Variants in TNS4 observed in about 807,000 individuals in gnomAD.
TNS4 encodes the protein tensin 4.
TNS4 carries 46 observed loss-of-function variants against 70.4 expected under a neutral mutation model. The ratio of observed to expected loss-of-function variants is 0.65; its 90% CI spans 0.52 to 0.84. The LOEUF is 0.84. Among genes scored for constraint, TNS4 ranks in the 40% least tolerant of loss-of-function variants. TNS4 has a pLI of 0.00. For missense variants in TNS4, 863 were observed against 907.0 expected, an observed-to-expected ratio of 0.95 and a Z score of 0.62; for synonymous variants, 390 against 366.6, an observed-to-expected ratio of 1.06 and a Z score of -0.73.
chr17:40,498,041 G>A (rs2036167567), intron 1 of TNS4, among the ~76,000 whole-genome samples: 2 of 152,202 alleles, frequency 1.3e-5, no homozygotes, highest in South Asian at 2.1e-4. Context: ...ACTGTACAGA[G>A]CTGCAATGTG....
chr17:40,482,899 C>CT lies in TNS4; in HGVS notation c.1502-484dup, dbSNP rs553453948. Reference sequence around the variant, plus strand: ...CTCTTCAGGAAACCTTTCTCTTCTTCTTTTTTTGGGGGTGGGGTGGGGAAA... The same window carrying CT: ...CTCTTCAGGAAACCTTTCTCTTCTTCTTTTTTTTGGGGGTGGGGTGGGGAAA... On this transcript the variant is annotated intron_variant, in intron 6 of 12. Coordinates refer to ENST00000254051, the MANE Select transcript of TNS4 (RefSeq NM_032865.6). 7.1e-4 allele frequency among the ~76,000 whole-genome samples: 108 copies of CT among 151,936 alleles called. 1 individual carries two copies. The highest frequency in any genetic ancestry group is 2.5e-3 in the African/African-American group (105 of 41,444).
intron 12 of TNS4, chr17:40,478,065 C>G (rs1226325674): frequency 4.9e-6 from 3 of 616,716 alleles, no homozygotes; most frequent in Non-Finnish European, 8.5e-6. Flanking sequence ...TAGCTTGAGG[C>G]TCCCTGAAGT....
At chr17:40,480,810 G>T (rs747875642) in intron 8 of TNS4, 42 bp from the exon 9 acceptor site, 1 of 1,594,756 alleles carries the variant, frequency 6.3e-7, no homozygotes, top group East Asian at 2.3e-5. Context: ...AGGGGCGGGG[G>T]TGGAGTGAAT....
chr17:40,500,329 C>T (rs1362221701), intron 1 of TNS4, among the ~76,000 whole-genome samples: 4 of 152,236 alleles, frequency 2.6e-5, no homozygotes, highest in Non-Finnish European at 2.9e-5. Context: ...CTGCGTCGCC[C>T]TTGGATGTAC....
Position 40,478,616 on chromosome 17 carries a change from G to T in TNS4, c.1943C>A (p.Thr648Asn), listed in dbSNP as rs775790526. 3.9e-5 allele frequency: 63 copies of T among 1,614,058 alleles called. No individual in the cohort carries two copies. The highest frequency in any genetic ancestry group is 4.9e-5 in the Non-Finnish European group (58 of 1,180,026). Residue 648 changes from threonine to asparagine, a missense_variant, in exon 11 of 13, where the codon ACC (threonine) becomes AAC (asparagine). Coordinates refer to ENST00000254051, the MANE Select transcript of TNS4 (RefSeq NM_032865.6). Reference sequence around the variant, plus strand: ...AGGGTCCATACCACAGAAGCGGAGGGTGGTGAGTGGGTAATGGCGCCGGAA... The same window carrying T: ...AGGGTCCATACCACAGAAGCGGAGGTTGGTGAGTGGGTAATGGCGCCGGAA... The part of the protein sequence containing the change: ...VFFRRHYPLT[T>N]LRFCGMDPEQ...
intron 2 of TNS4, among the ~76,000 whole-genome samples, chr17:40,493,169 A>G (rs2143821327): frequency 6.6e-6 from 1 of 152,306 alleles, no homozygotes; most frequent in South Asian, 2.1e-4. Flanking sequence ...TCTGTCTCAA[A>G]AAAAATATGT....
In TNS4 at chr17:40,488,834, CG is replaced by C; in HGVS notation, c.574del (p.Arg192GlufsTer149). ...GGLLLSRDVP[R>X]ETRSSSESLI... ...GCTCTCACTGCTGCTTCGTGTCTCT[CG>C]GGGGACGTCTCTGGAAAGGAGGAGG... On this transcript the variant is annotated frameshift_variant, in exon 3 of 13. Transcript: ENST00000254051. LOFTEE classifies it high-confidence loss of function. 6.2e-7 allele frequency: 1 copy of C among 1,613,034 alleles called. No homozygotes were observed. Among genetic ancestry groups the C allele is most frequent in the South Asian group, 1.1e-5 (1 of 91,006 alleles).
At chr17:40,484,639 A>G in intron 5 of TNS4, 30 bp from the exon 6 acceptor site, 3 of 1,609,248 alleles carry the variant, frequency 1.9e-6, no homozygotes, top group Middle Eastern at 1.7e-4. Context: ...AGAGATGGAC[A>G]CCGCCCCACC....
At chr17:40,494,066 C>A (rs1275968229) in intron 2 of TNS4, among the ~76,000 whole-genome samples, 2 of 152,260 alleles carry the variant, frequency 1.3e-5, no homozygotes, top group East Asian at 3.8e-4. Flanking sequence ...GGGGACAGAG[C>A]AGGCAGGAGC....
chr17:40,491,066 A>G (rs2036061034), intron 2 of TNS4, among the ~76,000 whole-genome samples: 1 of 152,208 alleles, frequency 6.6e-6, no homozygotes, highest in Non-Finnish European at 1.5e-5. Context: ...CTGGAAGAAA[A>G]GAGATCTTGG....
At position 40,477,547 on chromosome 17, in the gene TNS4, G is replaced by C; in HGVS notation, c.*41C>G. On this transcript the variant is annotated 3_prime_UTR_variant, in exon 13 of 13. Coordinates refer to ENST00000254051, the MANE Select transcript of TNS4 (RefSeq NM_032865.6). ...GGGGTGGAGGGGGGCTCCTTAGCGA[G>C]CCCCTGGAGGTGTTGGTTAGGTGCA... is the stretch of plus-strand genomic sequence containing the variant. 1 of 1,608,240 alleles carries C rather than the reference G, an allele frequency of 6.2e-7. No homozygotes were observed. The highest frequency in any genetic ancestry group is 8.5e-7 in the Non-Finnish European group (1 of 1,176,306).
chr17:40,482,395 A>G lies in TNS4; in HGVS notation c.1523T>C (p.Ile508Thr). 1.2e-6 allele frequency: 2 copies of G among 1,614,058 alleles called. No individual in the cohort carries two copies. The highest frequency in any genetic ancestry group is 4.5e-5 in the East Asian group (2 of 44,884). ...AGACGACTCGATGAGGAAGTGTCGG[A>G]TGAGGTCATTGCTGTCCTCACCTGG... ...SRPGEDSNDL[I>T]RHFLIESSAK... Residue 508 changes from isoleucine (I) to threonine (T), a missense_variant, in exon 7 of 13, where the codon ATC becomes ACC. Ile to Thr is a moderately conservative substitution (Grantham distance 89). Coordinates refer to ENST00000254051, the MANE Select transcript of TNS4 (RefSeq NM_032865.6).
chr17:40,491,017 C>T (rs2036060554), intron 2 of TNS4, among the ~76,000 whole-genome samples: 2 of 152,146 alleles, frequency 1.3e-5, no homozygotes, highest in Admixed American at 1.3e-4. Flanking sequence ...AGAAAGATGA[C>T]TGCAAGAAGA....
At position 40,488,553 on chromosome 17, in the gene TNS4, A is replaced by G. The variant is rs1055202198; in HGVS notation, c.856T>C (p.Phe286Leu). 4.0e-6 allele frequency: 6 copies of G among 1,505,614 alleles called. No homozygotes were observed. In the African/African-American group the frequency reaches 8.4e-5, roughly 21 times the overall value. The allele number at this position is 1,505,614 out of a possible 1,614,324, so 93.3% of individuals were successfully genotyped here. A position where few individuals can be genotyped will look rare whatever the true frequency, so the allele number is the denominator to read the frequency against. ...AGAAGCTACAGAACCTACCTTCCAA[A>G]CATATAGCTGACATCAGACACTGGG... The part of the protein sequence containing the change: ...ASPVSDVSYM[F>L]GSSQSLLHSS... The change falls in exon 3 of 13, where the codon TTT becomes CTT. Residue 286 changes from phenylalanine (F) to leucine (L), a missense_variant. Transcript: ENST00000254051.
chr17:40,492,284 C>T (rs1396262730), intron 2 of TNS4, among the ~76,000 whole-genome samples: 1 of 152,198 alleles, frequency 6.6e-6, no homozygotes, highest in East Asian at 1.9e-4. Flanking sequence ...CATCACGTAC[C>T]CACCCCGAGC....
At chr17:40,497,933 G>C (rs1265094094) in intron 1 of TNS4, among the ~76,000 whole-genome samples, 1 of 152,216 alleles carries the variant, frequency 6.6e-6, no homozygotes, top group Non-Finnish European at 1.5e-5. Context: ...ACTGTGAAAA[G>C]TCCTTTCCAT....
rs1329099525 is a variant in TNS4 at position 40,496,149 on chromosome 17, C to T, written c.277G>A (p.Asp93Asn). ...GAGAAGTCAATGTAGGAGTCAAGGT[C>T]CTCTGGGGTCCCCAAGGCCTTCTCA... is the stretch of plus-strand genomic sequence containing the variant. ...PGEKALGTPE[D>N]LDSYIDFSLE... Residue 93 changes from aspartate (D) to asparagine (N), a missense_variant, in exon 2 of 13, where the codon GAC (aspartate) becomes AAC (asparagine). Transcript: ENST00000254051. 2.9e-5 allele frequency: 47 copies of T among 1,610,264 alleles called. No homozygotes were observed. Among genetic ancestry groups the T allele is most frequent in the Non-Finnish European group, 3.9e-5 (46 of 1,178,158 alleles).
chr17:40,491,289 A>T (rs1204349702), intron 2 of TNS4, among the ~76,000 whole-genome samples: 2 of 152,064 alleles, frequency 1.3e-5, no homozygotes, highest in Non-Finnish European at 2.9e-5. Flanking sequence ...ACTGGTCTTT[A>T]TTGAGTGCAA....
intron 2 of TNS4, among the ~76,000 whole-genome samples, chr17:40,491,735 C>T (rs545090011): frequency 2.0e-5 from 3 of 152,242 alleles, no homozygotes; most frequent in African/African-American, 7.2e-5. Context: ...GGGCCTCTAC[C>T]CATTGCAGGG....
Sources: gnomAD v4.1 joint callset for allele counts (sites outside exome capture counted in the v4.1 genomes callset) on GRCh38, gnomAD v4.1.1 for gene constraint, MANE v1.5 for transcripts, NCBI Gene and HGNC (gene_info 2026-07-23, HGNC 2026-07-21) for gene names.